The following YAF2 variants were observed in gnomAD, a reference collection of about 807,000 sequenced individuals.
YAF2 encodes the protein YY1-associated factor 2.
In YAF2, 7 loss-of-function variants were observed where a neutral mutation model predicts 20.1. The observed-to-expected ratio is 0.35, with a 90% confidence interval of 0.20 to 0.65. The LOEUF (loss-of-function observed/expected upper bound fraction) is 0.65. Among genes scored for constraint, YAF2 ranks in the 30% least tolerant of loss-of-function variants. YAF2 has a pLI of 0.69. For missense variants in YAF2, 151 were observed against 219.2 expected (o/e 0.69, Z 1.96); for synonymous variants, 74 against 76.0 (o/e 0.97, Z 0.14).
intron 2 of YAF2, among the ~76,000 whole-genome samples, chr12:42,228,656 TGG>T (rs71434397): frequency 5.5e-5 from 1 of 18,174 alleles, no homozygotes. Context: ...GGGAGGGAGG[TGG>T]GGGGGGGGTC....
At chr12:42,161,806 T>G in intron 2 of YAF2, 41 bp from the exon 3 acceptor site, 1 of 1,547,280 alleles carries the variant, frequency 6.5e-7, no homozygotes, top group Non-Finnish European at 8.7e-7. Flanking sequence ...AAATTACAAC[T>G]TAAAACATAA....
intron 2 of YAF2, among the ~76,000 whole-genome samples, chr12:42,199,726 C>A (rs1196438380): frequency 2.0e-5 from 3 of 151,960 alleles, no homozygotes; most frequent in African/African-American, 4.8e-5. Flanking sequence ...ACCAAAGACA[C>A]AGAATACGGT....
At chr12:42,235,865 T>C (rs2068135241) in intron 2 of YAF2, 2 of 1,536,102 alleles carry the variant, frequency 1.3e-6, no homozygotes, top group Non-Finnish European at 1.7e-6. Flanking sequence ...TATTCCTTCT[T>C]CTTCCAGGTG....
At chr12:42,210,233 A>G in intron 2 of YAF2, 1 of 493,214 alleles carries the variant, frequency 2.0e-6, no homozygotes, top group African/African-American at 1.9e-5. Flanking sequence ...AATCCATATC[A>G]AATGTACAAA....
rs182469380 is a variant in YAF2 at position 42,159,189 on chromosome 12, A to G, written c.*1400T>C. ...TTACCACATGAAACCACCAAATATC[A>G]CAACTGTTAGGGTCTACAGTTTTAT... On this transcript the variant is annotated 3_prime_UTR_variant, in exon 4 of 4. Transcript: ENST00000534854. 1.1e-4 allele frequency: 16 copies of G among 152,260 alleles called. No homozygotes were observed. Among genetic ancestry groups the G allele is most frequent in the Admixed American group, 8.5e-4 (13 of 15,274 alleles). 9.4% of individuals were successfully genotyped at this position (152,260 alleles called of 1,614,324 possible). A position where few individuals can be genotyped will look rare whatever the true frequency, so the allele number is the denominator to read the frequency against.
chr12:42,214,681 T>C (rs906378385), intron 2 of YAF2, among the ~76,000 whole-genome samples: 3 of 152,156 alleles, frequency 2.0e-5, no homozygotes, highest in African/African-American at 7.2e-5. Context: ...ATGATTTTTT[T>C]TTGGTATTTT....
At chr12:42,199,357 G>T in intron 2 of YAF2, 1 of 388,540 alleles carries the variant, frequency 2.6e-6, no homozygotes, top group Non-Finnish European at 4.1e-6. Flanking sequence ...TCAATTACAA[G>T]TGTTAAAACT....
At chr12:42,232,171 T>A (rs2068001770) in intron 2 of YAF2, 1 of 152,702 alleles carries the variant, frequency 6.5e-6, no homozygotes, top group Admixed American at 6.5e-5. Context: ...AAACTGACAT[T>A]ATTCTTACTG....
chr12:42,202,101 GT>G (rs1295398162), intron 2 of YAF2, among the ~76,000 whole-genome samples: 30 of 152,022 alleles, frequency 2.0e-4, no homozygotes, highest in East Asian at 3.9e-4. Context: ...CAGAGATCTA[GT>G]TTCCCCCCCC....
At chr12:42,186,340 CA>C (rs138018179) in intron 2 of YAF2, among the ~76,000 whole-genome samples, 1,588 of 151,680 alleles carry the variant, frequency 0.01, 29 homozygotes, top group African/African-American at 0.037. Flanking sequence ...GGTGACCGAG[CA>C]AAAACTCCAA....
chr12:42,190,566 GTTTAT>G (rs1157576842), intron 2 of YAF2, among the ~76,000 whole-genome samples: 1 of 151,762 alleles, frequency 6.6e-6, no homozygotes, highest in Non-Finnish European at 1.5e-5. Flanking sequence ...CTTTCCTTAG[GTTTAT>G]TTTGTTATTC....
intron 2 of YAF2, chr12:42,210,742 A>T: frequency 3.5e-6 from 5 of 1,430,416 alleles, no homozygotes; most frequent in Non-Finnish European, 4.7e-6. Flanking sequence ...AGAACTACAG[A>T]AGAAAGCATA....
chr12:42,233,973 C>G, intron 2 of YAF2: 1 of 899,726 alleles, frequency 1.1e-6, no homozygotes, highest in African/African-American at 1.8e-5. Flanking sequence ...GAGTTTGAGA[C>G]CAGCCTGGCC....
intron 2 of YAF2, chr12:42,235,327 T>C: frequency 1.0e-6 from 1 of 1,001,186 alleles, no homozygotes; most frequent in South Asian, 4.3e-5. Context: ...AACTTTTGCT[T>C]CTCAACACCG....
chr12:42,196,442 G>A (rs1469473314), intron 2 of YAF2, among the ~76,000 whole-genome samples: 1 of 152,148 alleles, frequency 6.6e-6, no homozygotes, highest in Admixed American at 6.5e-5. Flanking sequence ...GCCATGTTAA[G>A]AAGTGTGGAC....
At chr12:42,227,995 C>A (rs1487123545) in intron 2 of YAF2, among the ~76,000 whole-genome samples, 1 of 138,580 alleles carries the variant, frequency 7.2e-6, no homozygotes, top group African/African-American at 2.7e-5. Flanking sequence ...CCCCGCCTGG[C>A]CAGCCGCCCC....
At chr12:42,174,019 T>C (rs571567440) in intron 2 of YAF2, among the ~76,000 whole-genome samples, 40 of 152,088 alleles carry the variant, frequency 2.6e-4, no homozygotes, top group African/African-American at 9.6e-4. Context: ...CTCCTTTGTT[T>C]CCTGCTTAAA....
chr12:42,195,505 C>G (rs2066726501), intron 2 of YAF2, among the ~76,000 whole-genome samples: 1 of 152,048 alleles, frequency 6.6e-6, no homozygotes, highest in Non-Finnish European at 1.5e-5. Flanking sequence ...GGACAGTCCC[C>G]TAGTACAAGC....
chr12:42,180,127 G>C (rs185844345), intron 2 of YAF2, among the ~76,000 whole-genome samples: 1 of 152,164 alleles, frequency 6.6e-6, no homozygotes, highest in Non-Finnish European at 1.5e-5. Context: ...AGTAATCCCT[G>C]CCTCCTGGTA....
Sources: allele counts gnomAD v4.1 joint callset (sites outside exome capture counted in the v4.1 genomes callset), GRCh38; gene constraint gnomAD v4.1.1; transcripts MANE v1.5; gene names NCBI Gene and HGNC (gene_info 2026-07-23, HGNC 2026-07-21).